The following LIMS1 variants were observed in gnomAD, a reference collection of about 807,000 sequenced individuals.
LIMS1 encodes LIM zinc finger domain containing 1.
LIMS1 carries 18 observed loss-of-function variants against 44.1 expected under a neutral mutation model. That is an observed-to-expected ratio of 0.41 (90% CI 0.28 to 0.61). The LOEUF is 0.61. Ranked by LOEUF, LIMS1 falls within the 20% of genes least tolerant of loss-of-function variation. LIMS1 has a pLI of 0.32. For synonymous variants in LIMS1, 93 were observed against 149.1 expected, an observed-to-expected ratio of 0.62 and a Z score of 2.74; for missense variants, 201 against 422.0, an observed-to-expected ratio of 0.48 and a Z score of 4.59.
intron 1 of LIMS1, among the ~76,000 whole-genome samples, chr2:108,574,162 G>T (rs1441647612): frequency 6.6e-6 from 1 of 152,012 alleles, no homozygotes; most frequent in African/African-American, 2.4e-5. Context: ...TTTTCCTAAG[G>T]GTATGAAGTA....
At chr2:108,659,634 C>G in exon 2 of LIMS1, 1 of 1,612,100 alleles carries the variant, frequency 6.2e-7, no homozygotes. Context: ...GCCAGCGCCA[C>G]TTGCGAGCGC....
intron 1 of LIMS1, among the ~76,000 whole-genome samples, chr2:108,622,399 TTC>T (rs1238754002): frequency 6.6e-6 from 1 of 152,200 alleles, no homozygotes; most frequent in Admixed American, 6.5e-5. Context: ...AAGCTTCAAC[TTC>T]TCTATTAAAT....
At chr2:108,651,115 C>A (rs1365694955) in intron 1 of LIMS1, among the ~76,000 whole-genome samples, 1 of 152,126 alleles carries the variant, frequency 6.6e-6, no homozygotes, top group African/African-American at 2.4e-5. Context: ...CTCCTGAAAC[C>A]CCGGGGCCTG....
At chr2:108,558,222 CT>C (rs11289639) in intron 1 of LIMS1, among the ~76,000 whole-genome samples, 62,557 of 143,940 alleles carry the variant, frequency 0.43, 14,416 homozygotes, top group East Asian at 0.95. Flanking sequence ...GCATTTTTTT[CT>C]TTTTTTTTTT....
At chr2:108,659,202 GGAAA>G (rs1691147061) in intron 1 of LIMS1, 1 of 886,748 alleles carries the variant, frequency 1.1e-6, no homozygotes, top group Admixed American at 6.2e-5. Context: ...TTCTCAGAAG[GGAAA>G]GAAACTGGCC....
At chr2:108,561,745 T>TG (rs1421321846) in intron 1 of LIMS1, among the ~76,000 whole-genome samples, 1 of 120,608 alleles carries the variant, frequency 8.3e-6, no homozygotes, top group Admixed American at 1.0e-4. Flanking sequence ...TGTTTTTTTT[T>TG]GTTTTTTTTT....
chr2:108,650,440 G>A (rs1482754476), intron 1 of LIMS1, among the ~76,000 whole-genome samples: 2 of 149,522 alleles, frequency 1.3e-5, no homozygotes, highest in African/African-American at 4.9e-5. Flanking sequence ...CTTTCGAGAC[G>A]GAGTTTTGCT....
At chr2:108,584,209 T>G (rs72833160) in intron 1 of LIMS1, among the ~76,000 whole-genome samples, 26,005 of 152,168 alleles carry the variant, frequency 0.17, 2,633 homozygotes, top group African/African-American at 0.27. Flanking sequence ...CTGTGTTTGC[T>G]AAGCACTTGC....
At position 108,534,466 on chromosome 2, in the gene LIMS1, C is replaced by A; in HGVS notation, c.-97C>A. 3.0e-6 allele frequency: 3 copies of A among 1,008,178 alleles called. No individual in the cohort carries two copies. The highest frequency in any genetic ancestry group is 1.7e-5 in the African/African-American group (1 of 58,010). 62.5% of individuals were successfully genotyped at this position (1,008,178 alleles called of 1,614,324 possible). A position where few individuals can be genotyped will look rare whatever the true frequency, so the allele number is the denominator to read the frequency against. On this transcript the variant is annotated 5_prime_UTR_variant, in exon 1 of 10. Transcript: ENST00000544547. The stretch of plus-strand genomic sequence containing the variant: ...CTTCCTCCCCTTCCTGCTCCGGGCC[C>A]GCCAGTAGCCGGCCGCGGCGGCGAG...
intron 1 of LIMS1, among the ~76,000 whole-genome samples, chr2:108,538,707 G>C (rs533436851): frequency 6.6e-6 from 1 of 152,030 alleles, no homozygotes; most frequent in Non-Finnish European, 1.5e-5. Flanking sequence ...AAAAAGTTAC[G>C]GGAAAACATG....
At chr2:108,684,640 C>T (rs1166718872) in exon 10 of LIMS1, 1 of 146,794 alleles carries the variant, frequency 6.8e-6, no homozygotes, top group African/African-American at 2.5e-5. Flanking sequence ...GATTACTTAA[C>T]GCAGTAGTAA....
intron 2 of LIMS1, among the ~76,000 whole-genome samples, chr2:108,670,437 A>G (rs1452832400): frequency 1.3e-5 from 2 of 152,110 alleles, no homozygotes; most frequent in South Asian, 2.1e-4. Flanking sequence ...ATGTATGTGC[A>G]TATTTTCTGG....
intron 1 of LIMS1, among the ~76,000 whole-genome samples, chr2:108,559,808 G>A (rs537696128): frequency 1.3e-5 from 2 of 152,208 alleles, no homozygotes; most frequent in South Asian, 4.2e-4. Context: ...ATTTAAACTG[G>A]CAAACAATTA....
Position 108,547,603 on chromosome 2 carries a change from G to A in LIMS1, c.32+13009G>A, listed in dbSNP as rs17036471. 2.0e-3 allele frequency among the ~76,000 whole-genome samples: 303 copies of A among 152,278 alleles called. 3 individuals carry two copies. The highest frequency in any genetic ancestry group is 7.0e-3 in the African/African-American group (289 of 41,542). On this transcript the variant is annotated intron_variant, in intron 1 of 9. Transcript: ENST00000544547. ...TAGAAGCTAAAGCATAGGAATATAG[G>A]TTAAAATTTAGCCTGGTTCCTCAGG...
intron 1 of LIMS1, among the ~76,000 whole-genome samples, chr2:108,540,193 CTTTTTTTTTTTT>C (rs34386092): frequency 1.1e-5 from 1 of 93,314 alleles, no homozygotes; most frequent in African/African-American, 4.0e-5. Flanking sequence ...GTACAGATTC[CTTTTTTTTTTTT>C]TTTTTTTTTT....
intron 1 of LIMS1, among the ~76,000 whole-genome samples, chr2:108,542,997 T>C (rs1192548209): frequency 1.3e-5 from 2 of 152,274 alleles, no homozygotes; most frequent in Non-Finnish European, 2.9e-5. Context: ...AACACATCTT[T>C]CAATACAATT....
intron 1 of LIMS1, among the ~76,000 whole-genome samples, chr2:108,536,333 C>T (rs1485759682): frequency 6.6e-6 from 1 of 152,248 alleles, no homozygotes; most frequent in East Asian, 1.9e-4. Flanking sequence ...TCCCCTCCTC[C>T]CGCCAGTCCC....
At chr2:108,618,740 G>C (rs1446784218) in intron 1 of LIMS1, among the ~76,000 whole-genome samples, 1 of 150,430 alleles carries the variant, frequency 6.6e-6, no homozygotes, top group African/African-American at 2.5e-5. Flanking sequence ...CAGGGGAATC[G>C]CTTGAACTCG....
At chr2:108,567,695 C>T (rs973875663) in intron 1 of LIMS1, among the ~76,000 whole-genome samples, 2 of 152,116 alleles carry the variant, frequency 1.3e-5, no homozygotes, top group Admixed American at 1.3e-4. Context: ...CTTCAGCCTC[C>T]CAAGTAGCTG....
Sources: allele counts gnomAD v4.1 joint callset (sites outside exome capture counted in the v4.1 genomes callset), GRCh38; gene constraint gnomAD v4.1.1; transcripts MANE v1.5; gene names NCBI Gene and HGNC (gene_info 2026-07-23, HGNC 2026-07-21).